Variants in LOXHD1 observed in about 807,000 individuals in gnomAD.
LOXHD1 encodes the protein lipoxygenase homology PLAT domains 1, also known as lipoxygenase homology domain-containing protein 1.
In LOXHD1, 205 loss-of-function variants were observed where a neutral mutation model predicts 248.2. That is an observed-to-expected ratio of 0.83 (90% CI 0.74 to 0.93). The LOEUF (loss-of-function observed/expected upper bound fraction) is 0.93. LOXHD1 is among the 40% of genes least tolerant of loss of function. The pLI is 0.00. For synonymous variants in LOXHD1, 1,113 were observed against 1,162.8 expected (o/e 0.96, Z 0.87); for missense variants, 2,930 against 2,971.6 (o/e 0.99, Z 0.33).
chr18:46,552,570 C>T (rs1016520160), intron 21 of LOXHD1, among the ~76,000 whole-genome samples: 6 of 152,156 alleles, frequency 3.9e-5, no homozygotes, highest in African/African-American at 1.4e-4. Flanking sequence ...ACAGCACAGC[C>T]CCTGGACCAC....
At chr18:46,550,910 G>A (rs1384903531) in intron 21 of LOXHD1, among the ~76,000 whole-genome samples, 1 of 152,102 alleles carries the variant, frequency 6.6e-6, no homozygotes, top group Admixed American at 6.5e-5. Flanking sequence ...ATATTTGTCT[G>A]TTCCTCCTGC....
chr18:46,565,304 G>A (rs2037617087), intron 17 of LOXHD1, among the ~76,000 whole-genome samples: 1 of 151,882 alleles, frequency 6.6e-6, no homozygotes, highest in South Asian at 2.1e-4. Flanking sequence ...CTCTGTGCCA[G>A]GCTTTGGTCC....
chr18:46,607,071 C>G (rs2038425673), intron 6 of LOXHD1, among the ~76,000 whole-genome samples: 1 of 151,580 alleles, frequency 6.6e-6, no homozygotes, highest in African/African-American at 2.4e-5. Context: ...GAGGCTGAGG[C>G]AGGAGAAGAA....
At chr18:46,557,321 C>A in intron 21 of LOXHD1, 35 bp downstream of exon 21, 1 of 1,552,058 alleles carries the variant, frequency 6.4e-7, no homozygotes, top group South Asian at 1.2e-5. Flanking sequence ...TCCCTCAGAG[C>A]AACACCCCTC....
chr18:46,579,841 C>T, intron 12 of LOXHD1, 57 bp from the exon 13 acceptor site: 1 of 1,509,668 alleles, frequency 6.6e-7, no homozygotes, highest in Non-Finnish European at 8.9e-7. Flanking sequence ...CCATCCCTAG[C>T]CCTGCTGCTC....
At chr18:46,568,111 C>T (rs574117919) in intron 16 of LOXHD1, among the ~76,000 whole-genome samples, 2 of 152,226 alleles carry the variant, frequency 1.3e-5, no homozygotes, top group South Asian at 2.1e-4. Context: ...TGAGATCTTT[C>T]CCTGGAGTGA....
At chr18:46,624,706 C>A (rs892273616) in intron 4 of LOXHD1, among the ~76,000 whole-genome samples, 2 of 152,172 alleles carry the variant, frequency 1.3e-5, no homozygotes, top group African/African-American at 4.8e-5. Flanking sequence ...ATGGCCTCTG[C>A]GAGATGCTCT....
intron 1 of LOXHD1, among the ~76,000 whole-genome samples, chr18:46,656,546 A>G (rs1033523036): frequency 6.6e-6 from 1 of 152,188 alleles, no homozygotes; most frequent in Non-Finnish European, 1.5e-5. Context: ...CCAGCAGTTC[A>G]GGGCGCTCTG....
At chr18:46,549,769 G>C (rs891208452) in intron 21 of LOXHD1, among the ~76,000 whole-genome samples, 6 of 152,338 alleles carry the variant, frequency 3.9e-5, no homozygotes, top group African/African-American at 1.4e-4. Flanking sequence ...CAATATTCAA[G>C]AATGGTATCT....
At chr18:46,627,745 C>T (rs2038763140) in intron 4 of LOXHD1, among the ~76,000 whole-genome samples, 2 of 152,040 alleles carry the variant, frequency 1.3e-5, no homozygotes, top group Non-Finnish European at 2.9e-5. Context: ...CCCCAAGTGC[C>T]CTCATTTCAT....
At chr18:46,512,368 T>C (rs2144001122) in intron 34 of LOXHD1, among the ~76,000 whole-genome samples, 1 of 151,884 alleles carries the variant, frequency 6.6e-6, no homozygotes, top group African/African-American at 2.4e-5. Flanking sequence ...ACCCCTATAA[T>C]TGTACCCCCA....
intron 22 of LOXHD1, 82 bp from the exon 23 acceptor site, chr18:46,545,503 G>A: frequency 9.7e-7 from 1 of 1,031,250 alleles, no homozygotes; most frequent in Non-Finnish European, 1.5e-6. Flanking sequence ...ACCTCCTCTA[G>A]AAGGGCTTCC....
chr18:46,566,364 T>C lies in LOXHD1; in HGVS notation c.2330A>G (p.Gln777Arg). The C allele has an allele frequency of 1.3e-6, 2 of 1,551,750 alleles. No homozygotes were observed. Among genetic ancestry groups the C allele is most frequent in the Non-Finnish European group, 8.7e-7 (1 of 1,147,022 alleles). ...LGSVQIRVPR[Q>R]GKQYTFPANR... is the part of the protein sequence containing the mutation. ...GGCGGGAAAGGTGTACTGCTTGCCT[T>C]GACGGGGCACACGGATCTGAACGCT... Residue 777 changes from glutamine (Q) to arginine (R), a missense_variant, in exon 17 of 41, where the codon CAA becomes CGA. Transcript: ENST00000642948.
chr18:46,526,154 C>G (rs1417675841), intron 29 of LOXHD1, among the ~76,000 whole-genome samples: 2 of 152,236 alleles, frequency 1.3e-5, no homozygotes, highest in African/African-American at 4.8e-5. Flanking sequence ...CCCTGAGATA[C>G]AGCAATTCCA....
chr18:46,613,861 C>A (rs1044514242), intron 5 of LOXHD1, among the ~76,000 whole-genome samples: 3 of 151,884 alleles, frequency 2.0e-5, no homozygotes, highest in Non-Finnish European at 4.4e-5. Context: ...TCATTAAATC[C>A]CTGGAATAAA....
Position 46,639,794 on chromosome 18 carries a change from C to T in LOXHD1, c.333G>A (p.Glu111=), listed in dbSNP as rs1426132328. 1 of 1,551,720 alleles carries T rather than the reference C, an allele frequency of 6.4e-7. No individual in the cohort carries two copies. Among genetic ancestry groups the T allele is most frequent in the Non-Finnish European group, 8.7e-7 (1 of 1,146,994 alleles). Residue 111 remains glutamate (E), a synonymous_variant, in exon 4 of 41, where the codon GAG becomes GAA. Transcript: ENST00000642948. ...NVGLIYKVRI[E]HDNTGLNASW... is the part of the protein sequence containing the mutation. ...TGGCATTCAAGCCCGTGTTGTCATG[C>T]TCAATCCTGAGGCAGAAGCCAAGGC...
chr18:46,482,450 C>T (rs1359372943), intron 40 of LOXHD1, among the ~76,000 whole-genome samples: 3 of 152,136 alleles, frequency 2.0e-5, no homozygotes, highest in Non-Finnish European at 4.4e-5. Flanking sequence ...GAGAGTGCTC[C>T]CAGAACTCCA....
rs565657649 is a variant in LOXHD1, at chr18:46,581,333, G to C, written c.1655-1549C>G. On this transcript the variant is annotated intron_variant, in intron 12 of 40. Coordinates refer to ENST00000642948, the MANE Select transcript of LOXHD1 (RefSeq NM_001384474.1). Reference sequence around the variant, plus strand: ...GGATCAGATAGGTAACTGCAGAAAAGAGAGAAGTTGCAGGTGACTCCCAGG... The same window carrying C: ...GGATCAGATAGGTAACTGCAGAAAACAGAGAAGTTGCAGGTGACTCCCAGG... 1.1e-4 allele frequency among the ~76,000 whole-genome samples: 17 copies of C among 152,326 alleles called. No individual in the cohort carries two copies. The South Asian group carries it at 3.5e-3, about 32-fold the overall frequency.
chr18:46,622,487 T>G (rs2038682063), intron 4 of LOXHD1, among the ~76,000 whole-genome samples: 1 of 152,070 alleles, frequency 6.6e-6, no homozygotes. Flanking sequence ...CGGTGAGAGT[T>G]AGGATATGTC....
Sources: gnomAD v4.1 joint callset for allele counts (sites outside exome capture counted in the v4.1 genomes callset) on GRCh38, gnomAD v4.1.1 for gene constraint, MANE v1.5 for transcripts, NCBI Gene and HGNC (gene_info 2026-07-23, HGNC 2026-07-21) for gene names.